Variants in CA13 observed in about 807,000 individuals in gnomAD.
The protein encoded by CA13 is carbonic anhydrase 13, also known as CA-XIII.
CA13 carries 21 observed loss-of-function variants against 31.5 expected under a neutral mutation model. The observed-to-expected ratio is 0.67, with a 90% CI of 0.47 to 0.96. CA13 has a LOEUF of 0.96. Ranked by LOEUF, CA13 falls within the 40% of genes least tolerant of loss-of-function variation. The pLI, the probability that CA13 is intolerant of heterozygous loss-of-function variation, is 0.00. For synonymous variants in CA13, 117 were observed against 111.4 expected (o/e 1.05, Z -0.32); for missense variants, 315 against 318.9 (o/e 0.99, Z 0.09).
At chr8:85,252,883 A>G (rs1397184171) in intron 2 of CA13, among the ~76,000 whole-genome samples, 1 of 152,180 alleles carries the variant, frequency 6.6e-6, no homozygotes, top group Non-Finnish European at 1.5e-5. Flanking sequence ...AGCAAAAATT[A>G]TAAGCCCAAC....
chr8:85,266,458 T>C, intron 3 of CA13, 150 bp from the exon 4 acceptor site: 1 of 614,400 alleles, frequency 1.6e-6, no homozygotes, highest in South Asian at 2.1e-5. Context: ...TGGACAAAAA[T>C]AAACAAGAGG....
intron 6 of CA13, among the ~76,000 whole-genome samples, chr8:85,277,585 C>T (rs1461329519): frequency 3.9e-5 from 6 of 152,156 alleles, no homozygotes; most frequent in Non-Finnish European, 8.8e-5. Context: ...CTCAGAGGGG[C>T]TGCTGTGGAC....
intron 2 of CA13, among the ~76,000 whole-genome samples, chr8:85,256,184 A>T (rs1807293252): frequency 6.6e-6 from 1 of 152,226 alleles, no homozygotes; most frequent in Non-Finnish European, 1.5e-5. Flanking sequence ...TAAATAGTTA[A>T]ACATTATTCA....
intron 6 of CA13, among the ~76,000 whole-genome samples, chr8:85,276,902 A>G (rs113952152): frequency 7.3e-5 from 11 of 149,682 alleles, no homozygotes; most frequent in African/African-American, 2.7e-4. Context: ...AAGGTTTGTA[A>G]ACACACCAAT....
intron 6 of CA13, among the ~76,000 whole-genome samples, chr8:85,280,311 A>G (rs553001785): frequency 1.4e-4 from 22 of 152,174 alleles, no homozygotes; most frequent in African/African-American, 4.6e-4. Flanking sequence ...TCAAAATATC[A>G]CATGTGGAAA....
Position 85,268,404 on chromosome 8 carries a change from G to A in CA13, c.514-68G>A, listed in dbSNP as rs552878507. 316 of 1,320,456 alleles carry A rather than the reference G, an allele frequency of 2.4e-4. 1 individual carries two copies. The highest frequency in any genetic ancestry group is 3.8e-4 in the Middle Eastern group (2 of 5,332). The allele number at this position is 1,320,456 out of a possible 1,614,324, so 81.8% of individuals were successfully genotyped here. A position where few individuals can be genotyped will look rare whatever the true frequency, so the allele number is the denominator to read the frequency against. On this transcript the variant is annotated intron_variant, in intron 5 of 6. Coordinates refer to ENST00000321764, the MANE Select transcript of CA13 (RefSeq NM_198584.3). The stretch of plus-strand genomic sequence containing the variant: ...GGAATTATAATGGAAGTACATGGAT[G>A]TATGTTTTTTGAGGTCTATGTAGAG...
At chr8:85,254,326 A>G (rs993565189) in intron 2 of CA13, among the ~76,000 whole-genome samples, 1 of 152,128 alleles carries the variant, frequency 6.6e-6, no homozygotes, top group Non-Finnish European at 1.5e-5. Flanking sequence ...AGAATGAGAA[A>G]TGATTATATT....
intron 6 of CA13, among the ~76,000 whole-genome samples, chr8:85,276,284 G>C (rs1195960799): frequency 6.6e-6 from 1 of 152,210 alleles, no homozygotes; most frequent in African/African-American, 2.4e-5. Context: ...GGGACCTGCA[G>C]CCCGCCATGC....
intron 1 of CA13, chr8:85,246,695 A>G (rs1347765022): frequency 2.9e-6 from 1 of 342,098 alleles, no homozygotes; most frequent in Admixed American, 3.9e-5. Flanking sequence ...TTGTTTAAAT[A>G]ATAATTATTT....
At chr8:85,251,982 G>T (rs761938876) in intron 2 of CA13, among the ~76,000 whole-genome samples, 7 of 152,180 alleles carry the variant, frequency 4.6e-5, no homozygotes, top group East Asian at 1.9e-4. Context: ...CTGCAGCCGG[G>T]TGTGGTGGCT....
chr8:85,281,215 TTTC>T lies in CA13; in HGVS notation c.670-7_670-5del. 1 of 1,610,174 alleles carries T rather than the reference TTTC, an allele frequency of 6.2e-7. No individual in the cohort carries two copies. On this transcript the variant is annotated splice_polypyrimidine_tract_variant and intron_variant, in intron 6 of 6. Coordinates refer to ENST00000321764, the MANE Select transcript of CA13 (RefSeq NM_198584.3). ...GAATTTCTATGCTGAAGCTAACTCT[TTTC>T]TTCTTCTACAGCTGGCCAAATTTCG...
Position 85,281,426 on chromosome 8 carries a change from C to A in CA13, c.*77C>A. On this transcript the variant is annotated 3_prime_UTR_variant, in exon 7 of 7. Coordinates refer to ENST00000321764, the MANE Select transcript of CA13 (RefSeq NM_198584.3). The stretch of plus-strand genomic sequence containing the variant: ...CAAAACAAAGCACAAAAGTCTCTGC[C>A]AACAACTCTTTTGTGGAATTCTAAT... 1 of 1,546,652 alleles carries A rather than the reference C, an allele frequency of 6.5e-7. No individual in the cohort carries two copies. Among genetic ancestry groups the A allele is most frequent in the Non-Finnish European group, 8.8e-7 (1 of 1,138,844 alleles).
intron 2 of CA13, among the ~76,000 whole-genome samples, chr8:85,256,511 C>T (rs1329538233): frequency 6.6e-6 from 1 of 152,144 alleles, no homozygotes; most frequent in Non-Finnish European, 1.5e-5. Flanking sequence ...TTCTAGGTAA[C>T]TGCCTGAAGT....
chr8:85,250,718 C>G (rs751459563), intron 1 of CA13, 22 bp from the exon 2 acceptor site: 11 of 1,491,074 alleles, frequency 7.4e-6, no homozygotes, highest in Non-Finnish European at 1.0e-5. Flanking sequence ...TAATCCTTTT[C>G]TTTTGGTCCT....
chr8:85,253,788 G>A (rs1807235802), intron 2 of CA13, among the ~76,000 whole-genome samples: 1 of 152,100 alleles, frequency 6.6e-6, no homozygotes, highest in African/African-American at 2.4e-5. Flanking sequence ...AGGATGATTA[G>A]TTAGGCCCAG....
At chr8:85,270,690 CTG>C (rs1220946245) in intron 6 of CA13, among the ~76,000 whole-genome samples, 2 of 152,170 alleles carry the variant, frequency 1.3e-5, no homozygotes, top group East Asian at 1.9e-4. Context: ...TTCAAGGACA[CTG>C]TTATTTCTTA....
At chr8:85,278,455 T>C (rs1170331818) in intron 6 of CA13, among the ~76,000 whole-genome samples, 1 of 152,086 alleles carries the variant, frequency 6.6e-6, no homozygotes, top group African/African-American at 2.4e-5. Flanking sequence ...AATAGATCCA[T>C]CTAGGAAGGT....
In CA13 at chr8:85,281,345, A is replaced by C; in HGVS notation, c.785A>C (p.His262Pro). The change falls in exon 7 of 7, where the codon CAT (histidine) becomes CCT (proline). Residue 262 changes from histidine to proline, a missense_variant. Physicochemically the swap from His to Pro is moderately conservative, Grantham distance 77. Coordinates refer to ENST00000321764, the MANE Select transcript of CA13 (RefSeq NM_198584.3). The part of the protein sequence containing the change: ...LKGRKVRASF[H>P] Reference sequence around the variant, plus strand: ...GGCCGCAAAGTGAGAGCCTCTTTCCATTAAAAATTGTCACCAATGAACTCC... The same window carrying C: ...GGCCGCAAAGTGAGAGCCTCTTTCCCTTAAAAATTGTCACCAATGAACTCC... 1 of 1,613,794 alleles carries C rather than the reference A, an allele frequency of 6.2e-7. No individual in the cohort carries two copies. Among genetic ancestry groups the C allele is most frequent in the Non-Finnish European group, 8.5e-7 (1 of 1,179,814 alleles).
In CA13 at chr8:85,245,540, A is replaced by G; in HGVS notation, c.-289A>G. The stretch of plus-strand genomic sequence containing the variant: ...AGAAGGCAGGAGATCCCCCCCGGAA[A>G]CCTTTCTCTCTCCGTCTCTCCCTCT... On this transcript the variant is annotated 5_prime_UTR_variant, in exon 1 of 7. Coordinates refer to ENST00000321764, the MANE Select transcript of CA13 (RefSeq NM_198584.3). 1 of 438,166 alleles carries G rather than the reference A, an allele frequency of 2.3e-6. No individual in the cohort carries two copies. The highest frequency in any genetic ancestry group is 4.1e-6 in the Non-Finnish European group (1 of 245,618). The allele number at this position is 438,166 out of a possible 1,614,324, so 27.1% of individuals were successfully genotyped here. A position where few individuals can be genotyped will look rare whatever the true frequency, so the allele number is the denominator to read the frequency against.
Sources: allele counts gnomAD v4.1 joint callset (sites outside exome capture counted in the v4.1 genomes callset), GRCh38; gene constraint gnomAD v4.1.1; transcripts MANE v1.5; gene names NCBI Gene and HGNC (gene_info 2026-07-23, HGNC 2026-07-21).